The following MEGF11 variants were observed in gnomAD, a reference collection of about 807,000 sequenced individuals.
MEGF11 encodes the protein multiple EGF like domains 11, also known as multiple epidermal growth factor-like domains protein 11.
MEGF11 carries 126 observed loss-of-function variants against 146.6 expected under a neutral mutation model. The ratio of observed to expected loss-of-function variants is 0.86; its 90% confidence interval spans 0.74 to 1.00. MEGF11 has a LOEUF of 1.00. Among genes scored for constraint, MEGF11 ranks in the 50% least tolerant of loss-of-function variants. The pLI is 0.00. For synonymous variants in MEGF11, 532 were observed against 583.4 expected (o/e 0.91, Z 1.27); for missense variants, 1,509 against 1,521.2 (o/e 0.99, Z 0.13).
intron 10 of MEGF11, among the ~76,000 whole-genome samples, chr15:65,952,865 C>T (rs143835162): frequency 3.2e-3 from 489 of 152,328 alleles, no homozygotes; most frequent in Non-Finnish European, 4.6e-3. Flanking sequence ...CAATGCATAC[C>T]CCAAGTGATT....
At chr15:65,933,728 G>A (rs1213908764) in intron 10 of MEGF11, among the ~76,000 whole-genome samples, 1 of 152,204 alleles carries the variant, frequency 6.6e-6, no homozygotes, top group Non-Finnish European at 1.5e-5. Flanking sequence ...CATCCTGAAA[G>A]GCAGCAGGGG....
At chr15:66,180,076 C>T (rs1240945529) in intron 1 of MEGF11, among the ~76,000 whole-genome samples, 1 of 152,184 alleles carries the variant, frequency 6.6e-6, no homozygotes, top group Non-Finnish European at 1.5e-5. Context: ...AGAGTTCTGA[C>T]TCTGTAAAGT....
Position 65,929,819 on chromosome 15 carries a change from C to A in MEGF11, c.1473G>T (p.Glu491Asp). The change falls in exon 12 of 26, where the codon GAG (glutamate) becomes GAT (aspartate). Residue 491 changes from glutamate to aspartate, a missense_variant. Physicochemically the swap from Glu to Asp is conservative, Grantham distance 45. Transcript: ENST00000395614. ...CTGCCCCATTGGCACAGGTGCAGCTCTCGTTGCAGTTCAGGCCCCACGTCC... is the reference window on the plus strand; with the variant it reads ...CTGCCCCATTGGCACAGGTGCAGCTATCGTTGCAGTTCAGGCCCCACGTCC... ...PSGTWGLNCN[E>D]SCTCANGAAC... 6.3e-7 allele frequency: 1 copy of A among 1,585,494 alleles called. No individual in the cohort carries two copies.
In MEGF11 at chr15:66,008,842, T is replaced by A. The variant is rs889929950; in HGVS notation, c.395-26354A>T. Among the ~76,000 whole-genome samples, 10 of 123,056 alleles carry A rather than the reference T, an allele frequency of 8.1e-5. No homozygotes were observed. In the East Asian group the frequency reaches 1.9e-3, roughly 23 times the overall value. 80.7% of individuals were successfully genotyped at this position (123,056 alleles called of 152,430 possible). On this transcript the variant is annotated intron_variant, in intron 5 of 25. Coordinates refer to ENST00000395614, the MANE Select transcript of MEGF11 (RefSeq NM_001385028.1). ...CTGTCTCTTAGAAAAAAAAAAAAAATAGTTAAAGGGGCTATAAACTAGTTG... is the reference window on the plus strand; with the variant it reads ...CTGTCTCTTAGAAAAAAAAAAAAAAAAGTTAAAGGGGCTATAAACTAGTTG...
intron 1 of MEGF11, among the ~76,000 whole-genome samples, chr15:66,193,688 G>T (rs1431397578): frequency 2.0e-5 from 3 of 152,040 alleles, no homozygotes; most frequent in East Asian, 1.9e-4. Context: ...AGTTTGTGTG[G>T]AATTTGGTAT....
intron 1 of MEGF11, among the ~76,000 whole-genome samples, chr15:66,198,815 T>C (rs1000400716): frequency 6.6e-6 from 1 of 152,152 alleles, no homozygotes; most frequent in Non-Finnish European, 1.5e-5. Context: ...TGTCTCACTA[T>C]GTGGCCCAGG....
chr15:66,123,901 G>A lies in MEGF11; in HGVS notation c.198C>T (p.His66=). Residue 66 remains histidine (H), a splice_region_variant and synonymous_variant, in exon 3 of 26, where the codon CAC becomes CAT. Coordinates refer to ENST00000395614, the MANE Select transcript of MEGF11 (RefSeq NM_001385028.1). The part of the protein sequence containing the change: ...DILNWFKCTR[H]RISYKTAYRR... ...CATCATCTGAGAGAGGTACTCACCG[G>A]TGCCTGGTGCACTTGAACCAGTTGA... 6.2e-7 allele frequency: 1 copy of A among 1,612,374 alleles called. No individual in the cohort carries two copies. The highest frequency in any genetic ancestry group is 1.1e-5 in the South Asian group (1 of 91,052).
At chr15:65,932,886 C>T (rs1474743645) in intron 10 of MEGF11, among the ~76,000 whole-genome samples, 1 of 152,078 alleles carries the variant, frequency 6.6e-6, no homozygotes, top group African/African-American at 2.4e-5. Flanking sequence ...GGCTGGGAGA[C>T]CAGAGCTTGT....
chr15:65,899,007 A>C, intron 24 of MEGF11, 73 bp from the exon 25 acceptor site: 1 of 1,471,172 alleles, frequency 6.8e-7, no homozygotes, highest in Non-Finnish European at 9.4e-7. Flanking sequence ...AGCAGACTGC[A>C]GTTGAGTTTA....
intron 1 of MEGF11, among the ~76,000 whole-genome samples, chr15:66,162,438 G>T (rs1350033923): frequency 6.6e-6 from 1 of 152,156 alleles, no homozygotes; most frequent in Non-Finnish European, 1.5e-5. Context: ...GTGTTGTGTT[G>T]CTTTAGGAAT....
At chr15:66,198,236 G>A (rs942687220) in intron 1 of MEGF11, among the ~76,000 whole-genome samples, 2 of 152,166 alleles carry the variant, frequency 1.3e-5, no homozygotes, top group African/African-American at 4.8e-5. Context: ...TTCAACAGAG[G>A]CGGGGAGATT....
intron 10 of MEGF11, among the ~76,000 whole-genome samples, 154 bp from the exon 11 acceptor site, chr15:65,931,097 G>A (rs1567163183): frequency 6.6e-6 from 1 of 152,220 alleles, no homozygotes; most frequent in South Asian, 2.1e-4. Flanking sequence ...AAGGGACTTT[G>A]CAGGTGCGAT....
At chr15:66,073,201 G>A (rs961721793) in intron 5 of MEGF11, among the ~76,000 whole-genome samples, 3 of 152,172 alleles carry the variant, frequency 2.0e-5, no homozygotes, top group African/African-American at 7.2e-5. Flanking sequence ...GTGAGGTGGC[G>A]AGGCCTCTGG....
At chr15:66,228,574 C>T (rs2091900324) in intron 1 of MEGF11, among the ~76,000 whole-genome samples, 1 of 152,080 alleles carries the variant, frequency 6.6e-6, no homozygotes, top group Admixed American at 6.5e-5. Flanking sequence ...AAATAACAGC[C>T]CCTACCCCAG....
At chr15:65,914,484 C>T in intron 19 of MEGF11, among the ~76,000 whole-genome samples, 1 of 152,114 alleles carries the variant, frequency 6.6e-6, no homozygotes, top group East Asian at 1.9e-4. Context: ...CAGTCGTGAG[C>T]ACCAAGTGAT....
At chr15:65,947,304 TGA>T (rs1316940716) in intron 10 of MEGF11, among the ~76,000 whole-genome samples, 1 of 152,046 alleles carries the variant, frequency 6.6e-6, no homozygotes, top group Non-Finnish European at 1.5e-5. Flanking sequence ...CACTGAAGCT[TGA>T]GCGCAGGGCT....
At chr15:65,981,570 C>T (rs1282137003) in intron 6 of MEGF11, among the ~76,000 whole-genome samples, 1 of 152,116 alleles carries the variant, frequency 6.6e-6, no homozygotes, top group African/African-American at 2.4e-5. Context: ...TCCTTGGCCA[C>T]CCCTCAGGAT....
At chr15:66,207,713 C>T (rs1307190705) in intron 1 of MEGF11, among the ~76,000 whole-genome samples, 5 of 152,086 alleles carry the variant, frequency 3.3e-5, no homozygotes, top group African/African-American at 1.2e-4. Context: ...AAAGACAATG[C>T]CAAAAGCAAT....
chr15:66,118,813 A>T (rs2087862150), intron 4 of MEGF11, among the ~76,000 whole-genome samples: 1 of 152,148 alleles, frequency 6.6e-6, no homozygotes, highest in Non-Finnish European at 1.5e-5. Flanking sequence ...AGAAGGAGCC[A>T]CTTCTCCCCT....
Sources: gnomAD v4.1 joint callset for allele counts (sites outside exome capture counted in the v4.1 genomes callset) on GRCh38, gnomAD v4.1.1 for gene constraint, MANE v1.5 for transcripts, NCBI Gene and HGNC (gene_info 2026-07-23, HGNC 2026-07-21) for gene names.